Variants in KIAA1671 observed in about 807,000 individuals in gnomAD.
KIAA1671 encodes the protein uncharacterized protein KIAA1671.
Under a neutral mutation model 131.2 loss-of-function variants are expected in KIAA1671, and 52 were observed. The ratio of observed to expected loss-of-function variants is 0.40; its 90% CI spans 0.32 to 0.50. The LOEUF is 0.50. KIAA1671 is among the 20% of genes least tolerant of loss of function. The pLI is 0.73. For missense variants in KIAA1671, 2,360 were observed against 2,364.2 expected (o/e 1.00, Z 0.04); for synonymous variants, 1,003 against 961.6 (o/e 1.04, Z -0.80).
At chr22:25,158,602 C>T (rs1452979572) in intron 6 of KIAA1671, among the ~76,000 whole-genome samples, 5 of 152,164 alleles carry the variant, frequency 3.3e-5, no homozygotes, top group East Asian at 1.9e-4. Flanking sequence ...TGCCAGCAGC[C>T]GACACACTGG....
chr22:25,066,213 A>G (rs1227391177), intron 6 of KIAA1671, among the ~76,000 whole-genome samples: 1 of 152,148 alleles, frequency 6.6e-6, no homozygotes, highest in Non-Finnish European at 1.5e-5. Flanking sequence ...CAGTATTGCA[A>G]TCATAGTTCA....
intron 6 of KIAA1671, among the ~76,000 whole-genome samples, chr22:25,068,991 C>T (rs79094066): frequency 0.055 from 8,263 of 150,500 alleles, 720 homozygotes; most frequent in African/African-American, 0.19. Flanking sequence ...GTCTTGCATC[C>T]GGCGCTCACT....
rs535874502 is a variant in KIAA1671, at chr22:24,955,418, A to G, written c.-208+2646A>G. Reference sequence around the variant, plus strand: ...TTGGCTATAAGGAGGGATGCGGGTCAGAGAGTTTAGTTTTCTCGACAGCCA... The same window carrying G: ...TTGGCTATAAGGAGGGATGCGGGTCGGAGAGTTTAGTTTTCTCGACAGCCA... On this transcript the variant is annotated intron_variant, in intron 1 of 12. Transcript: ENST00000358431. Among the ~76,000 whole-genome samples, 7 of 152,290 alleles carry G rather than the reference A, an allele frequency of 4.6e-5. No homozygotes were observed. The South Asian group carries it at 1.5e-3, about 32-fold the overall frequency.
At chr22:25,070,389 C>G (rs1475237223) in intron 6 of KIAA1671, 5 of 515,050 alleles carry the variant, frequency 9.7e-6, no homozygotes, top group Admixed American at 3.0e-5. Context: ...ACTGCCCCAG[C>G]CTGCTGAAGC....
intron 1 of KIAA1671, among the ~76,000 whole-genome samples, chr22:24,991,340 T>A (rs2123847394): frequency 6.6e-6 from 1 of 152,128 alleles, no homozygotes; most frequent in South Asian, 2.1e-4. Flanking sequence ...TCCTTATTTT[T>A]AGGAATGTCC....
intron 6 of KIAA1671, among the ~76,000 whole-genome samples, chr22:25,083,386 T>C (rs575743762): frequency 6.6e-6 from 1 of 152,078 alleles, no homozygotes; most frequent in African/African-American, 2.4e-5. Context: ...CAAATAATAG[T>C]CACCTTTGAT....
chr22:25,085,801 G>A (rs1929683996), intron 6 of KIAA1671, among the ~76,000 whole-genome samples: 1 of 151,808 alleles, frequency 6.6e-6, no homozygotes, highest in South Asian at 2.1e-4. Flanking sequence ...GAGGGAGGGA[G>A]GGAGGGAGGA....
At chr22:25,120,964 A>C (rs1014078502) in intron 6 of KIAA1671, among the ~76,000 whole-genome samples, 18 of 152,294 alleles carry the variant, frequency 1.2e-4, no homozygotes, top group African/African-American at 4.1e-4. Flanking sequence ...CCGAGGTTTA[A>C]GTAAGCTCAC....
At chr22:24,979,379 T>C (rs1923106718) in intron 1 of KIAA1671, among the ~76,000 whole-genome samples, 1 of 148,294 alleles carries the variant, frequency 6.7e-6, no homozygotes, top group South Asian at 2.2e-4. Context: ...AGACGGAGTC[T>C]CGCTGTTTTG....
chr22:25,100,052 G>T (rs1009819124), intron 6 of KIAA1671, among the ~76,000 whole-genome samples: 5 of 152,234 alleles, frequency 3.3e-5, no homozygotes, highest in African/African-American at 1.2e-4. Flanking sequence ...TGCAGAGGAA[G>T]GTGGAGGATT....
In KIAA1671 at chr22:25,138,725, C is replaced by T. The variant is rs545702531; in HGVS notation, c.4531-32095C>T. Among the ~76,000 whole-genome samples the T allele has an allele frequency of 3.7e-4, 57 of 152,338 alleles. No homozygotes were observed. In the South Asian group the frequency reaches 0.012, roughly 32 times the overall value. On this transcript the variant is annotated intron_variant, in intron 6 of 12. Transcript: ENST00000358431. ...AAAAACAAAAACAAAAACAAAACAT[C>T]AACCTTCAAATACTAGAGTTCTTCA...
In KIAA1671 at chr22:25,028,291, T is replaced by C. The variant is rs948122337; in HGVS notation, c.292T>C (p.Ser98Pro). 9.7e-6 allele frequency: 15 copies of C among 1,551,304 alleles called. No individual in the cohort carries two copies. Among genetic ancestry groups the C allele is most frequent in the Non-Finnish European group, 1.2e-5 (14 of 1,146,996 alleles). Residue 98 changes from serine (S) to proline (P), a missense_variant, in exon 3 of 13, where the codon TCT becomes CCT. Ser to Pro is a moderately conservative substitution (Grantham distance 74). Coordinates refer to ENST00000358431, the MANE Select transcript of KIAA1671 (RefSeq NM_001145206.2). ...STGPSPSGGL[S>P]EEPAAKDLDN... ...TGGACCTTCCCCCTCTGGGGGGCTCTCTGAGGAGCCAGCAGCAAAGGATCT... is the reference window on the plus strand; with the variant it reads ...TGGACCTTCCCCCTCTGGGGGGCTCCCTGAGGAGCCAGCAGCAAAGGATCT...
chr22:25,121,633 A>G (rs905929228), intron 6 of KIAA1671, among the ~76,000 whole-genome samples: 3 of 152,224 alleles, frequency 2.0e-5, no homozygotes, highest in Non-Finnish European at 4.4e-5. Context: ...TACTCCCACC[A>G]TAGCCAATTG....
chr22:25,003,400 A>ATTTTTTT (rs71191013), intron 1 of KIAA1671, among the ~76,000 whole-genome samples: 6 of 113,844 alleles, frequency 5.3e-5, no homozygotes, highest in African/African-American at 2.1e-4. Context: ...ACTTGGAGAG[A>ATTTTTTT]TTTTTTTTTT....
intron 1 of KIAA1671, among the ~76,000 whole-genome samples, chr22:24,961,335 T>A (rs1319567163): frequency 1.3e-5 from 2 of 152,250 alleles, no homozygotes; most frequent in Non-Finnish European, 2.9e-5. Context: ...AGACTCTGTC[T>A]CGGAAGATAT....
At chr22:25,170,670 A>C in intron 6 of KIAA1671, 150 bp from the exon 7 acceptor site, 1 of 712,586 alleles carries the variant, frequency 1.4e-6, no homozygotes, top group Non-Finnish European at 2.4e-6. Context: ...GCTAGTGCCC[A>C]GCCAAGATGT....
chr22:25,029,474 A>T lies in KIAA1671; in HGVS notation c.1475A>T (p.Glu492Val), dbSNP rs1054354352. The T allele has an allele frequency of 3.9e-6, 6 of 1,551,030 alleles. No homozygotes were observed. The African/African-American group carries it at 5.5e-5, about 14-fold the overall frequency. ...AGAGGCTGGACTGCCGAGAGCTCAG[A>T]GGCTAAGCCCGAGGTCAGGAGGAGG... ...RIRGWTAESS[E>V]AKPEVRRRTF... The change falls in exon 3 of 13, where the codon GAG (glutamate) becomes GTG (valine). Residue 492 changes from glutamate to valine, a missense_variant. Around this residue, in one of 3 missense-constraint regions of KIAA1671, gnomAD observed 1,185 missense variants for 1,126.2 expected, o/e 1.05. Transcript: ENST00000358431.
At chr22:24,984,349 G>C (rs1342523253) in intron 1 of KIAA1671, among the ~76,000 whole-genome samples, 3 of 152,178 alleles carry the variant, frequency 2.0e-5, no homozygotes, top group Non-Finnish European at 4.4e-5. Flanking sequence ...ACAGCTAGGG[G>C]AAAGAAAGCT....
chr22:25,033,574 G>GTTTTCTTTTTT (rs1926410636), intron 4 of KIAA1671, among the ~76,000 whole-genome samples: 2 of 58,420 alleles, frequency 3.4e-5, no homozygotes, highest in African/African-American at 7.2e-5. Context: ...GTTTGTTTTC[G>GTTTTCTTTTTT]TTTTTTTTTT....
Sources: allele counts gnomAD v4.1 joint callset (sites outside exome capture counted in the v4.1 genomes callset), GRCh38; gene constraint gnomAD v4.1.1; regional missense constraint gnomAD v4.1.1; transcripts MANE v1.5; gene names NCBI Gene and HGNC (gene_info 2026-07-23, HGNC 2026-07-21).